DOCK2: variants seen among roughly 807,000 people sequenced by gnomAD.
The protein encoded by DOCK2 is dedicator of cytokinesis 2, also known as dedicator of cytokinesis protein 2.
Under a neutral mutation model 248.9 loss-of-function variants are expected in DOCK2, and 87 were observed. The ratio of observed to expected loss-of-function variants is 0.35; its 90% CI spans 0.29 to 0.42. DOCK2 has a LOEUF of 0.42. Ranked by LOEUF, DOCK2 falls within the 10% of genes least tolerant of loss-of-function variation. The probability of loss-of-function intolerance (pLI) is 1.00; values close to 1 mark genes in which losing one functional copy is unlikely to be tolerated. For missense variants in DOCK2, 1,747 were observed against 2,300.2 expected (o/e 0.76, Z 4.92); for synonymous variants, 805 against 821.6 (o/e 0.98, Z 0.35).
At position 169,883,106 on chromosome 5, in the gene DOCK2, C is replaced by T. The variant is rs957626539; in HGVS notation, c.2799+42254C>T. 2.6e-6 allele frequency: 4 copies of T among 1,551,500 alleles called. No homozygotes were observed. The African/African-American group carries it at 5.5e-5, about 21-fold the overall frequency. On this transcript the variant is annotated intron_variant, in intron 27 of 51. Transcript: ENST00000520908. ...TCCTCTGTGCCTGGTGTGTGGCTGG[C>T]AACGCTGGTGGCATTTAAGCAGGAG...
At chr5:169,945,564 C>A (rs929021852) in intron 27 of DOCK2, among the ~76,000 whole-genome samples, 1 of 152,174 alleles carries the variant, frequency 6.6e-6, no homozygotes, top group African/African-American at 2.4e-5. Context: ...GTGCTCATTT[C>A]GAAGGTGAGA....
intron 26 of DOCK2, among the ~76,000 whole-genome samples, chr5:169,830,323 GATA>G (rs1181646271): frequency 4.6e-5 from 7 of 152,184 alleles, no homozygotes; most frequent in African/African-American, 1.4e-4. Context: ...AATATTGAAT[GATA>G]ATAATCATTA....
intron 27 of DOCK2, among the ~76,000 whole-genome samples, chr5:169,862,768 C>T (rs1486632406): frequency 6.6e-6 from 1 of 152,184 alleles, no homozygotes; most frequent in Non-Finnish European, 1.5e-5. Context: ...ATCACTATGA[C>T]AGGGGAAGGT....
chr5:169,687,365 T>G (rs1487189625), intron 8 of DOCK2, among the ~76,000 whole-genome samples: 1 of 152,212 alleles, frequency 6.6e-6, no homozygotes, highest in Non-Finnish European at 1.5e-5. Flanking sequence ...AATCTGGGAC[T>G]GTGTTCATTT....
intron 25 of DOCK2, among the ~76,000 whole-genome samples, chr5:169,777,616 A>T (rs561208678): frequency 6.6e-6 from 1 of 152,306 alleles, no homozygotes; most frequent in South Asian, 2.1e-4. Flanking sequence ...AAGGGGCTGG[A>T]TCAATTCCTG....
chr5:169,934,733 G>T (rs1319052134), intron 27 of DOCK2: 1 of 456,176 alleles, frequency 2.2e-6, no homozygotes, highest in East Asian at 6.9e-5. Context: ...TTAGCACAGG[G>T]CTGCTCACGG....
At chr5:169,668,506 G>C (rs1422119014) in intron 2 of DOCK2, among the ~76,000 whole-genome samples, 2 of 152,132 alleles carry the variant, frequency 1.3e-5, no homozygotes, top group Non-Finnish European at 2.9e-5. Context: ...CGGTAATGAG[G>C]GGTCTGCTAG....
chr5:169,786,747 G>T (rs890318920), intron 25 of DOCK2, among the ~76,000 whole-genome samples: 5 of 152,044 alleles, frequency 3.3e-5, no homozygotes, highest in African/African-American at 1.2e-4. Context: ...CTTACTGTCT[G>T]TTTTAAACAG....
At chr5:169,944,041 T>G (rs1475876499) in intron 27 of DOCK2, among the ~76,000 whole-genome samples, 1 of 152,232 alleles carries the variant, frequency 6.6e-6, no homozygotes, top group East Asian at 1.9e-4. Flanking sequence ...GAATTAGTAT[T>G]TATAAAGTGC....
chr5:169,881,669 G>A (rs1007005999), intron 27 of DOCK2, among the ~76,000 whole-genome samples: 9 of 152,274 alleles, frequency 5.9e-5, no homozygotes, highest in South Asian at 2.1e-4. Flanking sequence ...TTTTCATGCT[G>A]ACAACAATCC....
intron 36 of DOCK2, among the ~76,000 whole-genome samples, chr5:170,040,458 A>G (rs1403577999): frequency 6.6e-6 from 1 of 152,176 alleles, no homozygotes; most frequent in Non-Finnish European, 1.5e-5. Flanking sequence ...ACATATGAAT[A>G]TCTATTCTCC....
intron 1 of DOCK2, among the ~76,000 whole-genome samples, chr5:169,639,688 C>A (rs1404651424): frequency 6.6e-6 from 1 of 152,204 alleles, no homozygotes; most frequent in Non-Finnish European, 1.5e-5. Context: ...GACATTTCTT[C>A]TTACATTACA....
intron 44 of DOCK2, among the ~76,000 whole-genome samples, chr5:170,060,056 G>A (rs1757276360): frequency 6.6e-6 from 1 of 152,162 alleles, no homozygotes; most frequent in South Asian, 2.1e-4. Flanking sequence ...CTTGTTCTTG[G>A]TTATTTCCTC....
At chr5:169,699,265 C>A in intron 11 of DOCK2, 117 bp from the exon 12 acceptor site, 1 of 886,188 alleles carries the variant, frequency 1.1e-6, no homozygotes, top group Non-Finnish European at 1.7e-6. Flanking sequence ...CCTGGGCTGA[C>A]ATATGCAAAC....
chr5:169,653,888 C>T (rs1757944314), intron 1 of DOCK2, among the ~76,000 whole-genome samples: 2 of 152,278 alleles, frequency 1.3e-5, no homozygotes, highest in South Asian at 4.1e-4. Flanking sequence ...AATAATTTGC[C>T]ATAGATCCCT....
intron 27 of DOCK2, chr5:169,864,514 T>C (rs1478950341): frequency 6.7e-6 from 9 of 1,339,110 alleles, no homozygotes; most frequent in Admixed American, 2.7e-5. Flanking sequence ...CACAGACTGA[T>C]TAAGCATCTC....
At chr5:169,816,816 TC>T (rs1281026992) in intron 26 of DOCK2, among the ~76,000 whole-genome samples, 1 of 152,186 alleles carries the variant, frequency 6.6e-6, no homozygotes, top group Non-Finnish European at 1.5e-5. Flanking sequence ...CAAGCAACCA[TC>T]CTTTGTGTTA....
At position 169,923,268 on chromosome 5, in the gene DOCK2, G is replaced by A. The variant is rs1581422636; in HGVS notation, c.2800-59800G>A. Among the ~76,000 whole-genome samples the A allele has an allele frequency of 2.6e-5, 4 of 152,168 alleles. No homozygotes were observed. In the East Asian group the frequency reaches 7.7e-4, roughly 29 times the overall value. ...GGTGTAAACATGAGATGTCTGGGTGGTAAGCTTATATGAATGGTTTTTACT... is the reference window on the plus strand; with the variant it reads ...GGTGTAAACATGAGATGTCTGGGTGATAAGCTTATATGAATGGTTTTTACT... On this transcript the variant is annotated intron_variant, in intron 27 of 51. Coordinates refer to ENST00000520908, the MANE Select transcript of DOCK2 (RefSeq NM_004946.3).
rs1758085621 is a variant in DOCK2 at position 170,082,926 on chromosome 5, T to C, written c.*68T>C. On this transcript the variant is annotated 3_prime_UTR_variant, in exon 52 of 52. Transcript: ENST00000520908. ...GTTTCTGGAAGAGGAAAGCCATGCG[T>C]GGAACATCGAAGCCTCAGAGAGTGG... The C allele has an allele frequency of 1.9e-6, 3 of 1,599,510 alleles. No homozygotes were observed. Among genetic ancestry groups the C allele is most frequent in the Non-Finnish European group, 2.6e-6 (3 of 1,168,012 alleles).
Sources: gnomAD v4.1 joint callset for allele counts (sites outside exome capture counted in the v4.1 genomes callset) on GRCh38, gnomAD v4.1.1 for gene constraint, MANE v1.5 for transcripts, NCBI Gene and HGNC (gene_info 2026-07-23, HGNC 2026-07-21) for gene names.